The following KDM4C variants were observed in gnomAD, a reference collection of about 807,000 sequenced individuals.
The protein encoded by KDM4C is lysine-specific demethylase 4C.
In KDM4C, 81 loss-of-function variants were observed where a neutral mutation model predicts 129.3. The observed-to-expected ratio is 0.63, with a 90% CI of 0.52 to 0.75. KDM4C has a LOEUF of 0.75. Ranked by LOEUF, KDM4C falls within the 30% of genes least tolerant of loss-of-function variation. The pLI, the probability that KDM4C is intolerant of heterozygous loss-of-function variation, is 0.00. For missense variants in KDM4C, 1,457 were observed against 1,304.0 expected, an observed-to-expected ratio of 1.12 and a Z score of -1.81; for synonymous variants, 573 against 456.1, an observed-to-expected ratio of 1.26 and a Z score of -3.26.
At chr9:6,981,518 A>T (rs764271166) in intron 9 of KDM4C, among the ~76,000 whole-genome samples, 1 of 152,170 alleles carries the variant, frequency 6.6e-6, no homozygotes, top group Non-Finnish European at 1.5e-5. Flanking sequence ...TTTGTCCAAC[A>T]TCTGAGCTAC....
intron 6 of KDM4C, among the ~76,000 whole-genome samples, chr9:6,882,808 G>A (rs948422365): frequency 1.6e-4 from 24 of 151,600 alleles, no homozygotes; most frequent in Non-Finnish European, 3.0e-4. Context: ...GTGTGTGTGC[G>A]CGTGTGCACG....
intron 17 of KDM4C, among the ~76,000 whole-genome samples, chr9:7,064,186 A>G (rs1036805061): frequency 1.3e-5 from 2 of 152,208 alleles, no homozygotes; most frequent in African/African-American, 4.8e-5. Flanking sequence ...TTAGTATCCG[A>G]ACTGAGATAC....
intron 15 of KDM4C, among the ~76,000 whole-genome samples, chr9:7,025,412 T>C (rs1346657982): frequency 1.3e-5 from 2 of 152,200 alleles, no homozygotes; most frequent in South Asian, 2.1e-4. Flanking sequence ...GTCTTTTGCT[T>C]GTTTTGTGGT....
At chr9:6,934,617 C>G (rs1824400107) in intron 8 of KDM4C, among the ~76,000 whole-genome samples, 1 of 151,870 alleles carries the variant, frequency 6.6e-6, no homozygotes. Flanking sequence ...GCACGCGCCA[C>G]CATGCCTAGC....
chr9:7,012,846 CAA>C (rs759552602), intron 13 of KDM4C, among the ~76,000 whole-genome samples: 20 of 152,170 alleles, frequency 1.3e-4, no homozygotes, highest in Non-Finnish European at 2.5e-4. Flanking sequence ...TTTATAGAAA[CAA>C]ATATTTTATT....
chr9:6,760,662 C>T (rs913529262), intron 1 of KDM4C, among the ~76,000 whole-genome samples: 3 of 151,966 alleles, frequency 2.0e-5, no homozygotes, highest in Non-Finnish European at 4.4e-5. Flanking sequence ...GCTCCGCCTC[C>T]TGGGTTCACA....
rs145567918 is a variant in KDM4C, at chr9:7,140,917, C to T, written c.2781+12681C>T. On this transcript the variant is annotated intron_variant, in intron 19 of 21. Coordinates refer to ENST00000381309, the MANE Select transcript of KDM4C (RefSeq NM_015061.6). ...ATCTTATCTAGATGGGTGATCAGTG[C>T]GACCTGAATGAAGATCTGTAAGGTG... Among the ~76,000 whole-genome samples, 460 of 152,212 alleles carry T rather than the reference C, an allele frequency of 3.0e-3. 3 individuals are homozygous for T. The highest frequency in any genetic ancestry group is 0.011 in the African/African-American group (443 of 41,520).
chr9:7,083,443 C>T (rs766478169), intron 17 of KDM4C, among the ~76,000 whole-genome samples: 132 of 152,236 alleles, frequency 8.7e-4, no homozygotes, highest in Non-Finnish European at 1.6e-3. Flanking sequence ...TGTCTGTGTG[C>T]AAACATAGAG....
chr9:6,947,928 A>C (rs1827268522), intron 8 of KDM4C: 1 of 151,686 alleles, frequency 6.6e-6, no homozygotes, highest in Admixed American at 6.6e-5. Context: ...CTGGGTTTTC[A>C]TTTCTTTTTT....
chr9:7,107,444 A>G (rs904777808), intron 18 of KDM4C, among the ~76,000 whole-genome samples: 1 of 152,220 alleles, frequency 6.6e-6, no homozygotes, highest in Admixed American at 6.5e-5. Flanking sequence ...TGTGGAAGGG[A>G]TGCCTGAATA....
chr9:6,739,598 A>C (rs1039505879), intron 1 of KDM4C, among the ~76,000 whole-genome samples: 8 of 151,808 alleles, frequency 5.3e-5, no homozygotes, highest in African/African-American at 9.6e-5. Context: ...AGATAGCTAG[A>C]TAGATAGATA....
chr9:6,982,924 G>C (rs1421492790), intron 9 of KDM4C, among the ~76,000 whole-genome samples: 1 of 152,182 alleles, frequency 6.6e-6, no homozygotes, highest in Non-Finnish European at 1.5e-5. Context: ...CAGCCTTGTG[G>C]CTTGATATTT....
chr9:6,812,614 T>G (rs971320006), intron 3 of KDM4C, among the ~76,000 whole-genome samples: 1 of 152,182 alleles, frequency 6.6e-6, no homozygotes, highest in African/African-American at 2.4e-5. Context: ...GCCACTGATC[T>G]GACAGGAGGT....
intron 18 of KDM4C, among the ~76,000 whole-genome samples, chr9:7,107,519 A>T (rs1053378005): frequency 5.3e-5 from 8 of 152,220 alleles, no homozygotes; most frequent in African/African-American, 1.9e-4. Flanking sequence ...CTTTCATATT[A>T]GGTTAGAATA....
At chr9:6,732,108 C>G (rs1433393781) in intron 1 of KDM4C, among the ~76,000 whole-genome samples, 1 of 152,018 alleles carries the variant, frequency 6.6e-6, no homozygotes, top group African/African-American at 2.4e-5. Context: ...TGGCTCACAT[C>G]TGTAATCCCA....
At chr9:7,169,218 C>G (rs376198742) in intron 20 of KDM4C, among the ~76,000 whole-genome samples, 1 of 152,300 alleles carries the variant, frequency 6.6e-6, no homozygotes, top group African/African-American at 2.4e-5. Flanking sequence ...TCCATTTGAT[C>G]AGCAGCTACT....
At chr9:7,078,751 A>G (rs772807404) in intron 17 of KDM4C, among the ~76,000 whole-genome samples, 2 of 152,222 alleles carry the variant, frequency 1.3e-5, no homozygotes, top group Non-Finnish European at 2.9e-5. Flanking sequence ...TATATTTACA[A>G]TGTTCTTAAA....
rs1312005781 is a variant in KDM4C, at chr9:6,919,533, GTCTGTCTGTCTGTCTATCTATCTATCTA to G, written c.921+26305_921+26332del. 3.5e-3 allele frequency among the ~76,000 whole-genome samples: 207 copies of G among 58,698 alleles called. 1 individual carries two copies. The highest frequency in any genetic ancestry group is 0.011 in the African/African-American group (200 of 18,050). The allele number at this position is 58,698 out of a possible 152,430, so 38.5% of individuals were successfully genotyped here. On this transcript the variant is annotated intron_variant, in intron 8 of 21. Transcript: ENST00000381309. ...TATATTTCATCTTTCAATTTCATCT[GTCTGTCTGTCTGTCTATCTATCTATCTA>G]TCTATCTATCTATCTATCTATCTAT...
At chr9:7,119,093 A>C (rs1434758183) in intron 18 of KDM4C, among the ~76,000 whole-genome samples, 2 of 152,196 alleles carry the variant, frequency 1.3e-5, no homozygotes, top group Non-Finnish European at 2.9e-5. Flanking sequence ...TATTTAAGTT[A>C]GATTCCCGTG....
Sources: gnomAD v4.1 joint callset for allele counts (sites outside exome capture counted in the v4.1 genomes callset) on GRCh38, gnomAD v4.1.1 for gene constraint, MANE v1.5 for transcripts, NCBI Gene and HGNC (gene_info 2026-07-23, HGNC 2026-07-21) for gene names.